NRG1: variants seen among roughly 807,000 people sequenced by gnomAD.
NRG1 encodes the protein pro-neuregulin-1, membrane-bound isoform.
Under a neutral mutation model 63.8 loss-of-function variants are expected in NRG1, and 18 were observed. That is an observed-to-expected ratio of 0.28 (90% CI 0.19 to 0.42). The LOEUF (loss-of-function observed/expected upper bound fraction) is 0.42. Among genes scored for constraint, NRG1 ranks in the 10% least tolerant of loss-of-function variants. The pLI is 1.00. For synonymous variants in NRG1, 302 were observed against 301.3 expected, an observed-to-expected ratio of 1.00 and a Z score of -0.02; for missense variants, 762 against 814.7, an observed-to-expected ratio of 0.94 and a Z score of 0.79.
chr8:32,166,413 C>G (rs1839407327), intron 1 of NRG1, among the ~76,000 whole-genome samples: 1 of 152,012 alleles, frequency 6.6e-6, no homozygotes, highest in African/African-American at 2.4e-5. Context: ...CATTGTCATT[C>G]CTTGTTTTTG....
chr8:32,441,167 T>G (rs759545599), intron 1 of NRG1: 14 of 152,108 alleles, frequency 9.2e-5, no homozygotes, highest in African/African-American at 2.9e-4. Context: ...ATTAAGAGAA[T>G]AGTTATAGGT....
At chr8:31,960,141 C>A (rs765484909) in intron 1 of NRG1, among the ~76,000 whole-genome samples, 6 of 152,134 alleles carry the variant, frequency 3.9e-5, no homozygotes, top group Non-Finnish European at 8.8e-5. Flanking sequence ...ATGAAGAAGG[C>A]AGATTTAGTA....
chr8:32,147,960 A>T (rs1280164511), intron 1 of NRG1, among the ~76,000 whole-genome samples: 1 of 152,206 alleles, frequency 6.6e-6, no homozygotes, highest in Non-Finnish European at 1.5e-5. Context: ...AATGGGGATG[A>T]TAACTATTAT....
At chr8:32,699,430 A>G (rs1814275187) in intron 5 of NRG1, among the ~76,000 whole-genome samples, 1 of 152,200 alleles carries the variant, frequency 6.6e-6, no homozygotes, top group East Asian at 1.9e-4. Flanking sequence ...GTTAGTGATT[A>G]ATGCAGTTGT....
chr8:32,166,451 A>AT (rs1839413786), intron 1 of NRG1, among the ~76,000 whole-genome samples: 1 of 151,874 alleles, frequency 6.6e-6, no homozygotes, highest in African/African-American at 2.4e-5. Flanking sequence ...CTACGGATTC[A>AT]TTTTTTTTCT....
At chr8:32,340,836 T>C (rs552790225) in intron 1 of NRG1, among the ~76,000 whole-genome samples, 3 of 152,338 alleles carry the variant, frequency 2.0e-5, no homozygotes, top group Non-Finnish European at 4.4e-5. Context: ...AAATCTTACA[T>C]GCTGCCTGGT....
intron 1 of NRG1, among the ~76,000 whole-genome samples, chr8:32,460,729 A>G (rs1018352232): frequency 1.3e-5 from 2 of 152,224 alleles, no homozygotes; most frequent in African/African-American, 2.4e-5. Context: ...CCAAGAGCAC[A>G]ATACAGCAAA....
intron 1 of NRG1, among the ~76,000 whole-genome samples, chr8:31,964,149 CA>C (rs1359847240): frequency 6.6e-6 from 1 of 152,140 alleles, no homozygotes; most frequent in East Asian, 1.9e-4. Flanking sequence ...GCCACAGGAT[CA>C]GAGCAGGTCA....
At chr8:32,640,717 A>C (rs1464096154) in intron 5 of NRG1, among the ~76,000 whole-genome samples, 1 of 152,070 alleles carries the variant, frequency 6.6e-6, no homozygotes, top group Non-Finnish European at 1.5e-5. Context: ...GCTTCTGAGA[A>C]CATGAGCAAA....
At chr8:32,150,917 A>G (rs1308550494) in intron 1 of NRG1, among the ~76,000 whole-genome samples, 2 of 152,198 alleles carry the variant, frequency 1.3e-5, no homozygotes, top group Non-Finnish European at 2.9e-5. Flanking sequence ...AGAGTTCAGT[A>G]TTTGTCAACC....
intron 5 of NRG1, among the ~76,000 whole-genome samples, chr8:32,685,409 A>C (rs1261556545): frequency 1.3e-5 from 2 of 152,158 alleles, no homozygotes; most frequent in Non-Finnish European, 2.9e-5. Flanking sequence ...GACTTGTCAG[A>C]ATCTTGGAGG....
chr8:31,957,678 C>T (rs537261399), intron 1 of NRG1, among the ~76,000 whole-genome samples: 1 of 150,830 alleles, frequency 6.6e-6, no homozygotes, highest in South Asian at 2.1e-4. Context: ...TTTGCACTGA[C>T]AGCCCATCAC....
At chr8:32,180,809 G>T (rs1479904319) in intron 1 of NRG1, among the ~76,000 whole-genome samples, 1 of 151,964 alleles carries the variant, frequency 6.6e-6, no homozygotes, top group Non-Finnish European at 1.5e-5. Context: ...GTGCTGCATT[G>T]TTTTTTTAAC....
intron 1 of NRG1, among the ~76,000 whole-genome samples, chr8:32,570,658 A>G (rs1400398729): frequency 2.6e-5 from 4 of 152,208 alleles, no homozygotes; most frequent in Admixed American, 2.0e-4. Flanking sequence ...AAATACATAC[A>G]TTCAGTGTAT....
intron 1 of NRG1, among the ~76,000 whole-genome samples, chr8:32,427,284 A>G (rs1235181274): frequency 6.6e-6 from 1 of 152,134 alleles, no homozygotes; most frequent in Non-Finnish European, 1.5e-5. Context: ...ACAAGGAAAT[A>G]TTTACAAATA....
At chr8:32,039,089 G>A (rs1253354196) in intron 1 of NRG1, among the ~76,000 whole-genome samples, 11 of 152,244 alleles carry the variant, frequency 7.2e-5, no homozygotes, top group South Asian at 6.2e-4. Context: ...TTGCAGCTAC[G>A]AAACTAAAAG....
At chr8:32,544,479 ATTTAT>A (rs1416445420), upstream of NRG1, among the ~76,000 whole-genome samples, 2 of 33,108 alleles carry the variant, frequency 6.0e-5, no homozygotes, top group African/African-American at 1.2e-4. Context: ...CTTATTATTT[ATTTAT>A]TTATTTATTT....
At chr8:32,281,264 G>A (rs569620410) in intron 1 of NRG1, among the ~76,000 whole-genome samples, 47 of 140,094 alleles carry the variant, frequency 3.4e-4, no homozygotes, top group African/African-American at 1.1e-3. Context: ...TGCAACCTCC[G>A]CTCCTGAGTT....
intron 1 of NRG1, among the ~76,000 whole-genome samples, chr8:31,979,325 CTGAACCA>C (rs1362803415): frequency 6.6e-6 from 1 of 152,132 alleles, no homozygotes; most frequent in Non-Finnish European, 1.5e-5. Flanking sequence ...TATTCATTCT[CTGAACCA>C]TCCTCTCTAA....
Sources: allele counts gnomAD v4.1 joint callset (sites outside exome capture counted in the v4.1 genomes callset), GRCh38; gene constraint gnomAD v4.1.1; transcripts MANE v1.5; gene names NCBI Gene and HGNC (gene_info 2026-07-23, HGNC 2026-07-21).